Variants in STK3 observed in about 807,000 individuals in gnomAD.
The protein encoded by STK3 is serine/threonine-protein kinase 3.
STK3 carries 41 observed loss-of-function variants against 58.0 expected under a neutral mutation model. The ratio of observed to expected loss-of-function variants is 0.71; its 90% CI spans 0.55 to 0.92. The LOEUF (loss-of-function observed/expected upper bound fraction) is 0.92, where lower values mean the gene tolerates loss of function less well. Ranked by LOEUF, STK3 falls within the 40% of genes least tolerant of loss-of-function variation. The pLI is 0.00. For synonymous variants in STK3, 170 were observed against 191.0 expected (o/e 0.89, Z 0.91); for missense variants, 479 against 602.7 (o/e 0.79, Z 2.15).
chr8:98,352,018 T>A, the STK3 span, among the ~76,000 whole-genome samples: 2 of 151,424 alleles, frequency 1.3e-5, no homozygotes, highest in Non-Finnish European at 2.9e-5. Flanking sequence ...ATTAGCCAGA[T>A]CCCAGCTACC....
intron 10 of STK3, among the ~76,000 whole-genome samples, chr8:98,476,585 C>T (rs1821330446): frequency 6.6e-6 from 1 of 152,054 alleles, no homozygotes; most frequent in Non-Finnish European, 1.5e-5. Flanking sequence ...TCAGAGTTGA[C>T]AATCATGTTA....
chr8:98,839,350 A>T (rs1406508822), intron 3 of STK3, among the ~76,000 whole-genome samples: 1 of 152,102 alleles, frequency 6.6e-6, no homozygotes, highest in Non-Finnish European at 1.5e-5. Flanking sequence ...GCCCAGACTA[A>T]CCTCTTCCTT....
chr8:98,817,769 C>T (rs1387875070), intron 1 of STK3, among the ~76,000 whole-genome samples: 1 of 152,174 alleles, frequency 6.6e-6, no homozygotes, highest in Non-Finnish European at 1.5e-5. Flanking sequence ...TCTCCACTGA[C>T]TCTACCATCT....
intron 4 of STK3, among the ~76,000 whole-genome samples, chr8:98,720,554 T>A (rs1302031832): frequency 6.6e-6 from 1 of 151,878 alleles, no homozygotes; most frequent in Non-Finnish European, 1.5e-5. Flanking sequence ...ATCGAGACCA[T>A]CCTGGCTAAC....
At chr8:98,836,610 T>G (rs1007390761) in intron 3 of STK3, among the ~76,000 whole-genome samples, 3 of 152,266 alleles carry the variant, frequency 2.0e-5, no homozygotes, top group African/African-American at 7.2e-5. Flanking sequence ...TTCTTTATAT[T>G]AAACTTTTCC....
chr8:98,867,863 T>C (rs1162541289), intron 3 of STK3, among the ~76,000 whole-genome samples: 3 of 152,220 alleles, frequency 2.0e-5, no homozygotes, highest in Non-Finnish European at 2.9e-5. Context: ...GCCAGGCCTA[T>C]AATAAGCCCC....
chr8:98,633,501 T>C (rs1231754591), intron 6 of STK3: 11 of 648,958 alleles, frequency 1.7e-5, no homozygotes, highest in Admixed American at 7.3e-5. Flanking sequence ...GCGGTGGCGT[T>C]GGCTTTGCCA....
chr8:98,555,518 C>T (rs1257421147), intron 8 of STK3, among the ~76,000 whole-genome samples: 1 of 152,064 alleles, frequency 6.6e-6, no homozygotes, highest in Non-Finnish European at 1.5e-5. Flanking sequence ...CTTAAAATGA[C>T]ATTAAACACT....
chr8:98,569,935 A>T (rs1027682510), intron 8 of STK3, among the ~76,000 whole-genome samples: 1 of 149,262 alleles, frequency 6.7e-6, no homozygotes, highest in Non-Finnish European at 1.5e-5. Context: ...GTGTGTGTGT[A>T]TGTATATTTA....
chr8:98,816,776 T>C (rs1834573777), intron 1 of STK3, among the ~76,000 whole-genome samples: 2 of 152,050 alleles, frequency 1.3e-5, no homozygotes, highest in Non-Finnish European at 2.9e-5. Flanking sequence ...TCAGGTGATC[T>C]ACCCACCTCG....
At chr8:98,919,745 T>C (rs562206861) in intron 1 of STK3, among the ~76,000 whole-genome samples, 2 of 152,324 alleles carry the variant, frequency 1.3e-5, no homozygotes. Context: ...ATTATACTAT[T>C]GGATTTACTT....
At chr8:98,849,862 G>C (rs1380651394) in intron 3 of STK3, among the ~76,000 whole-genome samples, 1 of 152,156 alleles carries the variant, frequency 6.6e-6, no homozygotes, top group Admixed American at 6.6e-5. Context: ...GCCCATTCCT[G>C]TGGCAGGAAT....
At chr8:98,658,263 A>G (rs975954273) in intron 6 of STK3, among the ~76,000 whole-genome samples, 1 of 151,816 alleles carries the variant, frequency 6.6e-6, no homozygotes, top group African/African-American at 2.4e-5. Flanking sequence ...TGCGGTAGAG[A>G]AAAAAAATGA....
intron 8 of STK3, among the ~76,000 whole-genome samples, chr8:98,556,135 G>A (rs1367573342): frequency 1.3e-5 from 2 of 151,986 alleles, no homozygotes; most frequent in African/African-American, 4.8e-5. Flanking sequence ...TAGGGGACAG[G>A]GATTGGGAAG....
intron 10 of STK3, among the ~76,000 whole-genome samples, chr8:98,458,758 CT>C (rs1187527934): frequency 6.6e-6 from 1 of 152,154 alleles, no homozygotes; most frequent in Non-Finnish European, 1.5e-5. Flanking sequence ...CTTCTTCAAT[CT>C]CACTCTGCTC....
intron 6 of STK3, among the ~76,000 whole-genome samples, chr8:98,607,037 T>C (rs1352944719): frequency 1.3e-5 from 2 of 152,078 alleles, no homozygotes; most frequent in Non-Finnish European, 2.9e-5. Context: ...TAACTCTGGA[T>C]GGTTAGCAGT....
chr8:98,488,728 C>G (rs1199613083), intron 10 of STK3, among the ~76,000 whole-genome samples: 4 of 152,098 alleles, frequency 2.6e-5, no homozygotes, highest in Admixed American at 6.6e-5. Flanking sequence ...AAAATAACAG[C>G]AAAACTAAGA....
At chr8:98,650,550 G>A (rs542867569) in intron 6 of STK3, among the ~76,000 whole-genome samples, 18 of 152,360 alleles carry the variant, frequency 1.2e-4, no homozygotes, top group Admixed American at 7.2e-4. Flanking sequence ...TGCCTCACTC[G>A]GGAAGCGCAA....
chr8:98,393,468 T>C lies in STK3; in HGVS notation n.428-5221A>G, dbSNP rs199622967. On this transcript the variant is annotated intron_variant and non_coding_transcript_variant, in intron 3 of 5. Coordinates refer to the STK3 transcript ENST00000649151. ...ATCAAGAGGTGGACTCCTCATCTCC[T>C]TGATTTTGGGCTGGTCCTGTAACTT... Among the ~76,000 whole-genome samples the C allele has an allele frequency of 3.9e-5, 6 of 152,260 alleles. No individual in the cohort carries two copies. The East Asian group carries it at 9.7e-4, about 25-fold the overall frequency.
Sources: allele counts gnomAD v4.1 joint callset (sites outside exome capture counted in the v4.1 genomes callset), GRCh38; gene constraint gnomAD v4.1.1; transcripts MANE v1.5; gene names NCBI Gene and HGNC (gene_info 2026-07-23, HGNC 2026-07-21).